Variants in DNM2 observed in about 807,000 individuals in gnomAD.
The protein encoded by DNM2 is dynamin 2, also known as dynamin-2.
A neutral mutation model predicts 99.0 loss-of-function variants in DNM2; 15 were observed. The ratio of observed to expected loss-of-function variants is 0.15; its 90% confidence interval spans 0.10 to 0.23. The LOEUF (loss-of-function observed/expected upper bound fraction) is 0.23, where lower values mean the gene tolerates loss of function less well. Ranked by LOEUF, DNM2 falls within the 10% of genes least tolerant of loss-of-function variation. The probability of loss-of-function intolerance (pLI) is 1.00; values close to 1 mark genes in which losing one functional copy is unlikely to be tolerated. For synonymous variants in DNM2, 525 were observed against 481.2 expected (o/e 1.09, Z -1.19); for missense variants, 742 against 1,189.4 (o/e 0.62, Z 5.53).
chr19:10,784,077 G>T (rs1232407989), intron 6 of DNM2, among the ~76,000 whole-genome samples: 1 of 152,158 alleles, frequency 6.6e-6, no homozygotes, highest in East Asian at 1.9e-4. Flanking sequence ...CAGTGGGCCA[G>T]TGTGTGGTAG....
rs1375121307 is a variant in DNM2, at chr19:10,784,214, G to C, written c.849+1094G>C. ...GGGACACAGTGTCCACACGAGAGTAGGTTCCTGTCCTTGTAGAAGGCATAA... is the reference window on the plus strand; with the variant it reads ...GGGACACAGTGTCCACACGAGAGTACGTTCCTGTCCTTGTAGAAGGCATAA... On this transcript the variant is annotated intron_variant, in intron 6 of 20. Transcript: ENST00000389253. 2.0e-5 allele frequency among the ~76,000 whole-genome samples: 3 copies of C among 152,234 alleles called. No individual in the cohort carries two copies. In the East Asian group the frequency reaches 5.8e-4, roughly 29 times the overall value.
At chr19:10,722,856 G>A (rs74695320) in intron 1 of DNM2, among the ~76,000 whole-genome samples, 4,913 of 151,474 alleles carry the variant, frequency 0.032, 85 homozygotes, top group South Asian at 0.096. Flanking sequence ...CGACCTCCTC[G>A]CCTCAAATGA....
At chr19:10,821,977 C>T (rs1225803844) in intron 16 of DNM2, among the ~76,000 whole-genome samples, 1 of 152,194 alleles carries the variant, frequency 6.6e-6, no homozygotes, top group African/African-American at 2.4e-5. Context: ...TCGTTCGGGG[C>T]AGCCACTTGC....
In DNM2 at chr19:10,815,952, C is replaced by G. The variant is rs568388176; in HGVS notation, c.1671+3575C>G. ...AGAGGCGGGCCTCTTGGCTATGGAC[C>G]CCTGCTCTGTGCTGGGCTCATTGGC... On this transcript the variant is annotated intron_variant, in intron 15 of 20. Coordinates refer to ENST00000389253, the MANE Select transcript of DNM2 (RefSeq NM_001005361.3). Among the ~76,000 whole-genome samples the G allele has an allele frequency of 1.9e-3, 288 of 152,244 alleles. 1 individual carries two copies. Among genetic ancestry groups the G allele is most frequent in the Admixed American group, 9.0e-3 (137 of 15,300 alleles).
rs1031423797 is a variant in DNM2 at position 10,813,919 on chromosome 19, C to T, written c.1671+1542C>T. Among the ~76,000 whole-genome samples the T allele has an allele frequency of 4.0e-5, 6 of 151,614 alleles. No homozygotes were observed. The South Asian group carries it at 1.0e-3, about 26-fold the overall frequency. ...GGCTCATGCCTGTAATCTTAGCACT[C>T]TGGGAGGCTGAGGTGGGTGGATCAC... On this transcript the variant is annotated intron_variant, in intron 15 of 20. Transcript: ENST00000389253.
intron 1 of DNM2, among the ~76,000 whole-genome samples, chr19:10,757,074 CTCA>C (rs1338636649): frequency 6.6e-6 from 1 of 152,192 alleles, no homozygotes; most frequent in Non-Finnish European, 1.5e-5. Context: ...GACCAGCCTC[CTCA>C]TCATAATCCC....
In DNM2 at chr19:10,746,970, C is replaced by T. The variant is rs551030184; in HGVS notation, c.162-12768C>T. On this transcript the variant is annotated intron_variant, in intron 1 of 20. Coordinates refer to ENST00000389253, the MANE Select transcript of DNM2 (RefSeq NM_001005361.3). ...CAAGCTGGTCTCAAACTCCTGACCT[C>T]GGGTGATCTGCCCGCCTCGGCCCCG... 5.9e-5 allele frequency among the ~76,000 whole-genome samples: 9 copies of T among 151,750 alleles called. No homozygotes were observed. The East Asian group carries it at 1.5e-3, about 26-fold the overall frequency.
At chr19:10,781,877 TTCAGTTC>T (rs2071390000) in intron 5 of DNM2, 1 of 152,076 alleles carries the variant, frequency 6.6e-6, no homozygotes, top group Non-Finnish European at 1.5e-5. Context: ...AGCGTTAACT[TTCAGTTC>T]TACCTCCTTC....
intron 6 of DNM2, among the ~76,000 whole-genome samples, chr19:10,784,818 G>GTTTT (rs1265318885): frequency 1.2e-4 from 6 of 51,266 alleles, no homozygotes; most frequent in Non-Finnish European, 1.9e-4. Context: ...TTTTTTTGAT[G>GTTTT]ATTTTTTTTT....
chr19:10,782,257 C>T (rs1237502794), intron 5 of DNM2, among the ~76,000 whole-genome samples: 1 of 152,190 alleles, frequency 6.6e-6, no homozygotes, highest in African/African-American at 2.4e-5. Context: ...TGGTCTGGAA[C>T]TCTTGGGCTC....
intron 3 of DNM2, among the ~76,000 whole-genome samples, chr19:10,773,233 C>T (rs1396741477): frequency 4.0e-5 from 6 of 150,926 alleles, no homozygotes; most frequent in Non-Finnish European, 5.9e-5. Flanking sequence ...CTGCAGTCTC[C>T]GCCTCCCAGG....
Position 10,830,538 on chromosome 19 carries a change from G to T in DNM2, c.2543+160G>T. ...CTTGCGAGGAAACAGGCCCAGAGAG[G>T]CCAAGAGGCTTGTTCAGTGTCACAG... On this transcript the variant is annotated intron_variant, in intron 20 of 20. Transcript: ENST00000389253. This position sits in a 1 kb window ranked among gnomAD's most constrained non-coding sequence, Gnocchi z 4.8. 1.1e-6 allele frequency: 1 copy of T among 874,652 alleles called. No homozygotes were observed. Among genetic ancestry groups the T allele is most frequent in the Non-Finnish European group, 1.7e-6 (1 of 580,314 alleles). 54.2% of individuals were successfully genotyped at this position (874,652 alleles called of 1,614,324 possible). A position where few individuals can be genotyped will look rare whatever the true frequency, so the allele number is the denominator to read the frequency against.
intron 17 of DNM2, chr19:10,824,573 T>G: frequency 2.6e-5 from 5 of 193,198 alleles, no homozygotes; most frequent in East Asian, 2.7e-4. Flanking sequence ...TGGGAGGCAA[T>G]GTGGGCAGAT....
In DNM2 at chr19:10,765,382, A is replaced by G. The variant is rs1222358831; in HGVS notation, c.235+5571A>G. 2.0e-5 allele frequency among the ~76,000 whole-genome samples: 3 copies of G among 152,250 alleles called. No homozygotes were observed. The highest frequency in any genetic ancestry group is 2.9e-5 in the Non-Finnish European group (2 of 68,040). ...ATGCACGGCCGAGTGAACGAGCTCAAAGGGCTGGTGCTGTGCCCCTTCTTG... is the reference window on the plus strand; with the variant it reads ...ATGCACGGCCGAGTGAACGAGCTCAGAGGGCTGGTGCTGTGCCCCTTCTTG... On this transcript the variant is annotated intron_variant, in intron 2 of 20. Coordinates refer to ENST00000389253, the MANE Select transcript of DNM2 (RefSeq NM_001005361.3). The surrounding 1 kb of genome is among the most constrained non-coding windows in gnomAD (Gnocchi z 4.4).
At chr19:10,803,976 A>G (rs2072247702) in intron 12 of DNM2, among the ~76,000 whole-genome samples, 2 of 152,112 alleles carry the variant, frequency 1.3e-5, no homozygotes, top group Non-Finnish European at 2.9e-5. Context: ...TGTGGCCTGG[A>G]GAGATCTTCC....
chr19:10,826,428 G>T (rs1224122442), intron 18 of DNM2, among the ~76,000 whole-genome samples: 1 of 152,196 alleles, frequency 6.6e-6, no homozygotes. Context: ...CCTCATGGGC[G>T]TCACCCGCCT....
At position 10,823,815 on chromosome 19, in the gene DNM2, C is replaced by T. The variant is rs780409124; in HGVS notation, c.1809C>T (p.Ile603=). The change falls in exon 17 of 21, where the codon ATC becomes ATT. Residue 603 remains isoleucine (I), a synonymous_variant. Transcript: ENST00000389253. ...QRNVYKDLRQ[I]ELACDSQEDV... ...ACGTCTACAAGGACCTGCGGCAGAT[C>T]GAGCTGGCCTGTGACTCCCAGGAAG... 1.1e-5 allele frequency: 17 copies of T among 1,613,646 alleles called. No homozygotes were observed. Among genetic ancestry groups the T allele is most frequent in the Middle Eastern group, 1.7e-4 (1 of 6,060 alleles).
chr19:10,757,313 C>A (rs1270647017), intron 1 of DNM2, among the ~76,000 whole-genome samples: 2 of 152,188 alleles, frequency 1.3e-5, no homozygotes, highest in African/African-American at 4.8e-5. Flanking sequence ...GTGGGACAGC[C>A]CCCCGGCTGA....
At chr19:10,718,438 CG>C (rs2068823311) in intron 1 of DNM2, 35 bp downstream of exon 1, 5 of 1,386,008 alleles carry the variant, frequency 3.6e-6, no homozygotes, top group Non-Finnish European at 4.7e-6. Flanking sequence ...GGGCGGGTGG[CG>C]GCCTAGGGCG....
Sources: allele counts gnomAD v4.1 joint callset (sites outside exome capture counted in the v4.1 genomes callset), GRCh38; gene constraint gnomAD v4.1.1; non-coding constraint Gnocchi (gnomAD v3.1); transcripts MANE v1.5; gene names NCBI Gene and HGNC (gene_info 2026-07-23, HGNC 2026-07-21).